The following VPS13A variants were observed in gnomAD, a reference collection of about 807,000 sequenced individuals.
VPS13A encodes intermembrane lipid transfer protein VPS13A.
VPS13A carries 264 observed loss-of-function variants against 390.9 expected under a neutral mutation model. The ratio of observed to expected loss-of-function variants is 0.68; its 90% CI spans 0.61 to 0.75. VPS13A has a LOEUF of 0.75. VPS13A is among the 30% of genes least tolerant of loss of function. The probability of loss-of-function intolerance (pLI) is 0.00; values close to 1 mark genes in which losing one functional copy is unlikely to be tolerated. For missense variants in VPS13A, 3,409 were observed against 3,733.9 expected (o/e 0.91, Z 2.27); for synonymous variants, 1,231 against 1,227.1 (o/e 1.00, Z -0.07).
At chr9:77,287,908 A>G (rs1470299193) in intron 31 of VPS13A, among the ~76,000 whole-genome samples, 1 of 152,226 alleles carries the variant, frequency 6.6e-6, no homozygotes, top group East Asian at 1.9e-4. Context: ...ATTTACCTAT[A>G]GTAAAACTTA....
chr9:77,272,138 T>C (rs768975183), intron 23 of VPS13A, among the ~76,000 whole-genome samples: 2 of 152,208 alleles, frequency 1.3e-5, no homozygotes, highest in African/African-American at 2.4e-5. Flanking sequence ...GTGTTTGATA[T>C]GATATGTAAC....
At chr9:77,305,480 TG>T (rs1828684072) in intron 34 of VPS13A, 1 of 153,742 alleles carries the variant, frequency 6.5e-6, no homozygotes, top group Admixed American at 6.5e-5. Flanking sequence ...CTGGGGCAGT[TG>T]CTATCCCACT....
rs192601199 is a variant in VPS13A, at chr9:77,219,696, G to A, written c.755-258G>A. ...TTTCTTAAAATGTTTCTGCTTTTAA[G>A]TATCATATTGGTATTTTGAGGGGGA... On this transcript the variant is annotated intron_variant, in intron 10 of 71. Transcript: ENST00000360280. Among the ~76,000 whole-genome samples, 592 of 151,616 alleles carry A rather than the reference G, an allele frequency of 3.9e-3. 3 individuals are homozygous for A. Among genetic ancestry groups the A allele is most frequent in the Middle Eastern group, 6.8e-3 (2 of 294 alleles).
chr9:77,372,326 T>G (rs1304407804), intron 67 of VPS13A, among the ~76,000 whole-genome samples: 5 of 152,220 alleles, frequency 3.3e-5, no homozygotes, highest in Non-Finnish European at 7.4e-5. Context: ...GTTTCCTGAC[T>G]TTTTAATGAT....
rs985605563 is a variant in VPS13A, at chr9:77,382,915, A to G, written c.9189+828A>G. The G allele has an allele frequency of 4.7e-5, 46 of 985,214 alleles. No homozygotes were observed. The African/African-American group carries it at 8.0e-4, about 17-fold the overall frequency. 61.0% of individuals were successfully genotyped at this position (985,214 alleles called of 1,614,324 possible). A position where few individuals can be genotyped will look rare whatever the true frequency, so the allele number is the denominator to read the frequency against. Reference sequence around the variant, plus strand: ...TTAAAACCTGGATTATGCTGTAGGTAACTAGTAATCATATATAGGCTATAC... The same window carrying G: ...TTAAAACCTGGATTATGCTGTAGGTGACTAGTAATCATATATAGGCTATAC... On this transcript the variant is annotated intron_variant, in intron 68 of 71. Coordinates refer to ENST00000360280, the MANE Select transcript of VPS13A (RefSeq NM_033305.3).
At chr9:77,261,900 A>T (rs961902597) in intron 23 of VPS13A, among the ~76,000 whole-genome samples, 1 of 152,236 alleles carries the variant, frequency 6.6e-6, no homozygotes, top group Non-Finnish European at 1.5e-5. Context: ...TGCTTAACTT[A>T]TAGTTTGCTA....
chr9:77,356,475 G>A (rs1831785058), intron 54 of VPS13A, among the ~76,000 whole-genome samples: 1 of 152,030 alleles, frequency 6.6e-6, no homozygotes, highest in Non-Finnish European at 1.5e-5. Flanking sequence ...CTAAAATGAA[G>A]CTCCAGAATG....
chr9:77,233,987 G>A (rs1823989560), intron 17 of VPS13A, among the ~76,000 whole-genome samples: 1 of 152,128 alleles, frequency 6.6e-6, no homozygotes, highest in Non-Finnish European at 1.5e-5. Flanking sequence ...GTGGGAGATT[G>A]AAATTTCTAA....
intron 34 of VPS13A, among the ~76,000 whole-genome samples, chr9:77,306,434 G>T (rs1421486031): frequency 2.0e-5 from 3 of 151,552 alleles, no homozygotes; most frequent in Non-Finnish European, 4.4e-5. Context: ...GTGTGTGTGT[G>T]TGTGTGTGTG....
rs1228417718 is a variant in VPS13A, at chr9:77,295,794, C to T, written c.3760C>T (p.Pro1254Ser). ...HMITESQSSPPPVIDLITIKL... is the reference protein window; with the variant it reads ...HMITESQSSPSPVIDLITIKL... ...GATAACAGAGAGCCAGAGCTCTCCCCCACCTGTTATTGATTTGATAACAAT... is the reference window on the plus strand; with the variant it reads ...GATAACAGAGAGCCAGAGCTCTCCCTCACCTGTTATTGATTTGATAACAAT... Residue 1254 changes from proline to serine, a missense_variant, in exon 33 of 72, where the codon CCA (proline) becomes TCA (serine). By Grantham distance (74) the Pro-to-Ser change is moderately conservative. Transcript: ENST00000360280. 1 of 1,613,868 alleles carries T rather than the reference C, an allele frequency of 6.2e-7. No homozygotes were observed.
At chr9:77,277,456 T>G (rs902523130) in intron 26 of VPS13A, among the ~76,000 whole-genome samples, 2 of 152,198 alleles carry the variant, frequency 1.3e-5, no homozygotes, top group Non-Finnish European at 2.9e-5. Context: ...GTCCACAATT[T>G]ACATTAAGGT....
chr9:77,345,096 C>T lies in VPS13A; in HGVS notation c.7243C>T (p.Leu2415Phe), dbSNP rs1301394106. ...TTATCATGATGGAGCAGCTACATTC[C>T]TCTTAATAAATCACACAAAGAATGA... ...LDYHDGAATF[L>F]LINHTKNELV... The change falls in exon 52 of 72, where the codon CTC (leucine) becomes TTC (phenylalanine). Residue 2415 changes from leucine (L) to phenylalanine (F), a missense_variant. Around this residue, in one of 5 missense-constraint regions of VPS13A, gnomAD observed 2,717 missense variants for 2,917.4 expected, o/e 0.93. Coordinates refer to ENST00000360280, the MANE Select transcript of VPS13A (RefSeq NM_033305.3). The T allele has an allele frequency of 8.7e-6, 14 of 1,613,082 alleles. No individual in the cohort carries two copies. Among genetic ancestry groups the T allele is most frequent in the Non-Finnish European group, 1.2e-5 (14 of 1,179,762 alleles).
intron 67 of VPS13A, among the ~76,000 whole-genome samples, chr9:77,381,335 T>TTA (rs772602385): frequency 7.2e-5 from 11 of 152,100 alleles, no homozygotes; most frequent in Non-Finnish European, 1.6e-4. Flanking sequence ...GGGTATGTGT[T>TTA]TACAGTAATA....
chr9:77,177,978 T>G (rs1308136706), intron 1 of VPS13A, 174 bp downstream of exon 1: 6 of 599,438 alleles, frequency 1.0e-5, no homozygotes, highest in Non-Finnish European at 1.8e-5. Flanking sequence ...TTCCCTGGCC[T>G]CCGCCCTCGA....
intron 32 of VPS13A, among the ~76,000 whole-genome samples, chr9:77,294,896 C>T (rs528011984): frequency 1.3e-5 from 2 of 151,924 alleles, no homozygotes; most frequent in African/African-American, 4.8e-5. Flanking sequence ...TTTTAAGACA[C>T]GATCTCGCTG....
Position 77,337,410 on chromosome 9 carries a change from A to T in VPS13A, c.6251A>T (p.Glu2084Val). Residue 2084 changes from glutamate (E) to valine (V), a missense_variant, in exon 47 of 72, where the codon GAA (glutamate) becomes GTA (valine). Physicochemically the swap from Glu to Val is moderately radical, Grantham distance 121. Around this residue, in one of 5 missense-constraint regions of VPS13A, gnomAD observed 2,717 missense variants for 2,917.4 expected, o/e 0.93. Transcript: ENST00000360280. ...TCATTTCTCATTAATATTGTTCCAG[A>T]AAAAGATAATTTAACATCTCTATCA... Reference protein sequence around the residue: ...KESFLINIVPEKDNLTSLSVY... With the variant: ...KESFLINIVPVKDNLTSLSVY... 6.2e-7 allele frequency: 1 copy of T among 1,613,202 alleles called. No homozygotes were observed.
intron 1 of VPS13A, among the ~76,000 whole-genome samples, chr9:77,198,460 T>C (rs1049720362): frequency 2.0e-5 from 3 of 152,202 alleles, no homozygotes; most frequent in South Asian, 2.1e-4. Flanking sequence ...CATCATCCAC[T>C]TGTGGTATTA....
chr9:77,388,313 G>A (rs1294073591), intron 68 of VPS13A, among the ~76,000 whole-genome samples: 4 of 152,110 alleles, frequency 2.6e-5, no homozygotes, highest in East Asian at 1.9e-4. Context: ...TATACAAAAC[G>A]TAGAAAGTCC....
chr9:77,400,561 C>T (rs749365507), intron 68 of VPS13A, among the ~76,000 whole-genome samples: 101 of 152,028 alleles, frequency 6.6e-4, no homozygotes, highest in Non-Finnish European at 1.1e-3. Flanking sequence ...GGCGCGGTGG[C>T]TCATGCCTGT....
Sources: allele counts gnomAD v4.1 joint callset (sites outside exome capture counted in the v4.1 genomes callset), GRCh38; gene constraint gnomAD v4.1.1; regional missense constraint gnomAD v4.1.1; transcripts MANE v1.5; gene names NCBI Gene and HGNC (gene_info 2026-07-23, HGNC 2026-07-21).